The following STXBP6 variants were observed in gnomAD, a reference collection of about 807,000 sequenced individuals.
STXBP6 encodes the protein syntaxin-binding protein 6.
STXBP6 carries 21 observed loss-of-function variants against 26.9 expected under a neutral mutation model. That is an observed-to-expected ratio of 0.78 (90% confidence interval 0.55 to 1.12). The LOEUF is 1.12. Ranked by LOEUF, STXBP6 falls within the 50% of genes most tolerant of loss-of-function variation. STXBP6 has a pLI of 0.00. For missense variants in STXBP6, 232 were observed against 257.9 expected, an observed-to-expected ratio of 0.90 and a Z score of 0.69; for synonymous variants, 97 against 92.6, an observed-to-expected ratio of 1.05 and a Z score of -0.27.
intron 4 of STXBP6, among the ~76,000 whole-genome samples, chr14:24,847,917 T>A (rs1463789954): frequency 6.6e-6 from 1 of 152,110 alleles, no homozygotes; most frequent in Non-Finnish European, 1.5e-5. Context: ...TGCAACACAA[T>A]CAGCATTCTA....
At chr14:25,043,843 GCCGATGGATATTTGGGTTGTTT>G (rs1461713755) in intron 1 of STXBP6, among the ~76,000 whole-genome samples, 1 of 152,134 alleles carries the variant, frequency 6.6e-6, no homozygotes. Flanking sequence ...CCATTCAGCA[GCCGATGGATATTTGGGTTGTTT>G]CCACTTTAGG....
At chr14:24,824,475 C>T (rs2068227202) in intron 4 of STXBP6, among the ~76,000 whole-genome samples, 1 of 152,054 alleles carries the variant, frequency 6.6e-6, no homozygotes, top group African/African-American at 2.4e-5. Context: ...CAAAGCCTAC[C>T]CGGTGATAGA....
At chr14:24,977,632 C>T (rs2074083971) in intron 1 of STXBP6, among the ~76,000 whole-genome samples, 1 of 152,064 alleles carries the variant, frequency 6.6e-6, no homozygotes. Flanking sequence ...TTAAATGAAA[C>T]AATATATGCA....
chr14:25,046,694 T>G (rs570642409), intron 1 of STXBP6, among the ~76,000 whole-genome samples: 1 of 152,302 alleles, frequency 6.6e-6, no homozygotes, highest in South Asian at 2.1e-4. Flanking sequence ...GCCTCTCTGA[T>G]GCAAAGCAGT....
intron 2 of STXBP6, among the ~76,000 whole-genome samples, chr14:24,872,179 A>G (rs1420363644): frequency 6.6e-6 from 1 of 152,220 alleles, no homozygotes; most frequent in Non-Finnish European, 1.5e-5. Flanking sequence ...GCAGATTCCT[A>G]GACACTCTCT....
chr14:24,943,187 T>C (rs1043546363), intron 2 of STXBP6, among the ~76,000 whole-genome samples: 5 of 152,168 alleles, frequency 3.3e-5, no homozygotes, highest in Non-Finnish European at 7.3e-5. Context: ...ACAACTACAG[T>C]GGCCAATGAA....
chr14:25,019,805 C>T (rs1382212235), intron 1 of STXBP6, among the ~76,000 whole-genome samples: 2 of 150,984 alleles, frequency 1.3e-5, no homozygotes, highest in Non-Finnish European at 2.9e-5. Flanking sequence ...ATTTTTATCA[C>T]AACCGTCAGA....
At chr14:24,848,453 G>A (rs534833181) in intron 4 of STXBP6, among the ~76,000 whole-genome samples, 5 of 152,182 alleles carry the variant, frequency 3.3e-5, no homozygotes, top group Admixed American at 3.3e-4. Flanking sequence ...CTTATCTACT[G>A]CAGGTTATTT....
At chr14:24,974,895 G>C (rs1456752500) in intron 1 of STXBP6, 45 bp from the exon 2 acceptor site, 7 of 1,333,156 alleles carry the variant, frequency 5.3e-6, no homozygotes, top group Non-Finnish European at 7.1e-6. Context: ...TGACAACATT[G>C]TAAGGGTTCA....
intron 1 of STXBP6, among the ~76,000 whole-genome samples, chr14:24,989,119 C>T (rs1011479848): frequency 6.6e-6 from 1 of 152,098 alleles, no homozygotes; most frequent in Non-Finnish European, 1.5e-5. Flanking sequence ...TAGGCTCGCA[C>T]CCCCCACCAT....
chr14:24,986,197 G>C (rs1044371531), intron 1 of STXBP6, among the ~76,000 whole-genome samples: 11 of 152,164 alleles, frequency 7.2e-5, no homozygotes, highest in African/African-American at 2.4e-4. Flanking sequence ...CTAGCCCATA[G>C]AGTTCTAAAC....
intron 2 of STXBP6, among the ~76,000 whole-genome samples, chr14:24,969,878 A>C (rs1319756462): frequency 6.6e-6 from 1 of 152,148 alleles, no homozygotes; most frequent in Non-Finnish European, 1.5e-5. Context: ...GTTTCCACCC[A>C]CCTTAGGAGG....
intron 1 of STXBP6, among the ~76,000 whole-genome samples, chr14:24,977,013 C>T (rs2074066331): frequency 6.6e-6 from 1 of 151,800 alleles, no homozygotes; most frequent in South Asian, 2.1e-4. Flanking sequence ...CAGGTGCCTA[C>T]CACCACGCCC....
intron 4 of STXBP6, among the ~76,000 whole-genome samples, chr14:24,820,632 C>G (rs2068107453): frequency 6.6e-6 from 1 of 152,166 alleles, no homozygotes; most frequent in Admixed American, 6.5e-5. Flanking sequence ...TCTTGGTCCC[C>G]TTTGCTTTCA....
At chr14:25,040,471 G>C (rs1364250310) in intron 1 of STXBP6, among the ~76,000 whole-genome samples, 1 of 152,208 alleles carries the variant, frequency 6.6e-6, no homozygotes, top group Non-Finnish European at 1.5e-5. Context: ...GTGTAAAATA[G>C]AGATAAGTAA....
At chr14:24,917,131 A>AG (rs1055877976) in intron 2 of STXBP6, among the ~76,000 whole-genome samples, 75 of 152,182 alleles carry the variant, frequency 4.9e-4, no homozygotes, top group Non-Finnish European at 2.9e-5. Flanking sequence ...ACACATTTCT[A>AG]GGGGACTAAG....
At chr14:25,046,077 A>G (rs1258026217) in intron 1 of STXBP6, among the ~76,000 whole-genome samples, 1 of 152,214 alleles carries the variant, frequency 6.6e-6, no homozygotes, top group Non-Finnish European at 1.5e-5. Flanking sequence ...TGACTCAGTA[A>G]TAACAGTCCT....
intron 2 of STXBP6, among the ~76,000 whole-genome samples, chr14:24,972,967 C>A (rs11159009): frequency 0.28 from 43,204 of 151,964 alleles, 7,152 homozygotes; most frequent in African/African-American, 0.46. Context: ...AAAATACAAA[C>A]ATCAGCTGGG....
chr14:24,891,537 C>T (rs2070786967), intron 2 of STXBP6, among the ~76,000 whole-genome samples: 1 of 152,168 alleles, frequency 6.6e-6, no homozygotes, highest in Admixed American at 6.5e-5. Context: ...AGGAGACCTG[C>T]CCGACCCTCT....
Sources: gnomAD v4.1 joint callset for allele counts (sites outside exome capture counted in the v4.1 genomes callset) on GRCh38, gnomAD v4.1.1 for gene constraint, MANE v1.5 for transcripts, NCBI Gene and HGNC (gene_info 2026-07-23, HGNC 2026-07-21) for gene names.